FGD6: variants seen among roughly 807,000 people sequenced by gnomAD.
FGD6 encodes the protein FYVE, RhoGEF and PH domain containing 6.
FGD6 carries 90 observed loss-of-function variants against 149.4 expected under a neutral mutation model. The observed-to-expected ratio is 0.60, with a 90% confidence interval of 0.51 to 0.72. The LOEUF (loss-of-function observed/expected upper bound fraction) is 0.72, where lower values mean the gene tolerates loss of function less well. Ranked by LOEUF, FGD6 falls within the 30% of genes least tolerant of loss-of-function variation. The pLI, the probability that FGD6 is intolerant of heterozygous loss-of-function variation, is 0.00. For missense variants in FGD6, 1,437 were observed against 1,684.8 expected (o/e 0.85, Z 2.57); for synonymous variants, 527 against 584.0 (o/e 0.90, Z 1.41).
At chr12:95,125,765 G>A (rs1565902495) in intron 8 of FGD6, 1 of 706,252 alleles carries the variant, frequency 1.4e-6, no homozygotes, top group South Asian at 1.5e-5. Flanking sequence ...CCAATATGGT[G>A]TTCAGGCACT....
chr12:95,156,180 T>C (rs1880463273), intron 3 of FGD6, among the ~76,000 whole-genome samples: 1 of 152,196 alleles, frequency 6.6e-6, no homozygotes, highest in Non-Finnish European at 1.5e-5. Context: ...AACAGCAATG[T>C]TCAGGGAACA....
intron 3 of FGD6, 41 bp from the exon 4 acceptor site, chr12:95,153,034 T>A: frequency 6.4e-7 from 1 of 1,572,068 alleles, no homozygotes; most frequent in Non-Finnish European, 8.7e-7. Flanking sequence ...CATAAAAGAA[T>A]AATGAAGATC....
intron 3 of FGD6, among the ~76,000 whole-genome samples, chr12:95,161,061 TC>T (rs1880626798): frequency 6.8e-6 from 1 of 148,018 alleles, no homozygotes; most frequent in East Asian, 2.0e-4. Context: ...ACACCCGTAA[TC>T]CCAGCTACTT....
At position 95,091,801 on chromosome 12, in the gene FGD6, G is replaced by T; in HGVS notation, c.3756C>A (p.Cys1252Ter). 1 of 1,610,600 alleles carries T rather than the reference G, an allele frequency of 6.2e-7. No individual in the cohort carries two copies. Among genetic ancestry groups the T allele is most frequent in the Non-Finnish European group, 8.5e-7 (1 of 1,178,364 alleles). Residue 1252 changes from cysteine to a stop codon, truncating the protein, a stop_gained, in exon 17 of 21, where the codon TGC becomes TGA. Transcript: ENST00000343958. LOFTEE classifies it high-confidence loss of function. Reference protein sequence around the residue: ...HHCRACGKIVCQACSSNKYGL... With the variant: ...HHCRACGKIV ...CATACTTATTAGACGAACAAGCTTG[G>T]CATACAATCTGAAAACACATTGGAA...
chr12:95,207,567 C>T (rs1226312204), intron 2 of FGD6, among the ~76,000 whole-genome samples: 3 of 152,136 alleles, frequency 2.0e-5, no homozygotes, highest in Admixed American at 2.0e-4. Flanking sequence ...GCTACCTATG[C>T]GACTATGGAG....
chr12:95,153,039 A>T, intron 3 of FGD6, 46 bp from the exon 4 acceptor site: 1 of 1,553,990 alleles, frequency 6.4e-7, no homozygotes, highest in South Asian at 1.1e-5. Context: ...AAGAATAATG[A>T]AGATCAGCTA....
intron 2 of FGD6, among the ~76,000 whole-genome samples, chr12:95,207,412 C>T (rs1360531830): frequency 3.3e-5 from 5 of 152,120 alleles, no homozygotes; most frequent in Non-Finnish European, 7.4e-5. Context: ...CCACTATGTG[C>T]CAAGTATTTT....
At chr12:95,217,092 C>T (rs1475130770) in intron 1 of FGD6, 133 bp downstream of exon 1, 4 of 1,391,952 alleles carry the variant, frequency 2.9e-6, no homozygotes, top group Non-Finnish European at 3.9e-6. Flanking sequence ...ATTAGCTCCG[C>T]GCTTGCCGAG....
intron 20 of FGD6, among the ~76,000 whole-genome samples, chr12:95,083,012 A>AAAAAAAAAATATATATATATATAT (rs68032073): frequency 5.0e-5 from 1 of 20,038 alleles, no homozygotes; most frequent in African/African-American, 3.0e-4. Flanking sequence ...AAAAAAAAAA[A>AAAAAAAAAATATATATATATATAT]ATATATATAT....
At chr12:95,203,986 G>A (rs1381496363) in intron 2 of FGD6, among the ~76,000 whole-genome samples, 1 of 152,144 alleles carries the variant, frequency 6.6e-6, no homozygotes, top group Non-Finnish European at 1.5e-5. Context: ...AATAAAAATA[G>A]TAGTAAATGG....
At chr12:95,145,442 A>G (rs930712066) in intron 5 of FGD6, among the ~76,000 whole-genome samples, 5 of 151,950 alleles carry the variant, frequency 3.3e-5, no homozygotes, top group African/African-American at 1.2e-4. Context: ...TTCATCCTCT[A>G]CCATTGCCCA....
intron 2 of FGD6, among the ~76,000 whole-genome samples, chr12:95,186,272 G>A (rs569610652): frequency 5.3e-5 from 5 of 95,124 alleles, no homozygotes; most frequent in African/African-American, 8.2e-5. Context: ...TTTTTGAGAC[G>A]GAGTCTTGCT....
At chr12:95,208,769 C>A in intron 2 of FGD6, 74 bp downstream of exon 2, 1 of 1,502,716 alleles carries the variant, frequency 6.7e-7, no homozygotes, top group Non-Finnish European at 8.9e-7. Flanking sequence ...TTTCCCCCTG[C>A]ATTCCTAACT....
intron 2 of FGD6, among the ~76,000 whole-genome samples, chr12:95,176,120 T>C (rs1001232355): frequency 4.6e-5 from 7 of 152,306 alleles, no homozygotes; most frequent in Admixed American, 3.3e-4. Context: ...TTTGAAAAAA[T>C]AGACAAGGGT....
Position 95,208,938 on chromosome 12 carries a change from G to A in FGD6, c.2346C>T (p.Ser782=), listed in dbSNP as rs75727483. The A allele has an allele frequency of 5.1e-4, 819 of 1,614,070 alleles. 4 individuals carry two copies. In the African/African-American group the frequency reaches 6.0e-3, roughly 12 times the overall value. The change falls in exon 2 of 21, where the codon AGC becomes AGT. Residue 782 remains serine, a synonymous_variant. Transcript: ENST00000343958. ...ACACATTTGCATCAGCGTCCTCCAT[G>A]CTGCTGGAATTCTGCCATTCCAACT... ...TQELEWQNSS[S]MEDADANVYE... is the part of the protein sequence containing the mutation.
At chr12:95,203,802 C>T (rs2056675657) in intron 2 of FGD6, among the ~76,000 whole-genome samples, 1 of 152,140 alleles carries the variant, frequency 6.6e-6, no homozygotes, top group Non-Finnish European at 1.5e-5. Flanking sequence ...TGGAATGTTT[C>T]CAGGGACAGT....
intron 2 of FGD6, among the ~76,000 whole-genome samples, chr12:95,201,626 T>C (rs1349404831): frequency 2.0e-5 from 3 of 152,120 alleles, no homozygotes; most frequent in Non-Finnish European, 4.4e-5. Context: ...TGCAAATACT[T>C]AGGAGAACAT....
At chr12:95,157,551 A>T (rs1313781674) in intron 3 of FGD6, among the ~76,000 whole-genome samples, 1 of 128,384 alleles carries the variant, frequency 7.8e-6, no homozygotes, top group Non-Finnish European at 1.6e-5. Flanking sequence ...AGGCGACAAG[A>T]GCAAAACTCT....
At chr12:95,198,564 C>G (rs952218039) in intron 2 of FGD6, among the ~76,000 whole-genome samples, 11 of 152,090 alleles carry the variant, frequency 7.2e-5, no homozygotes, top group Non-Finnish European at 1.6e-4. Flanking sequence ...CTCAGCCTCC[C>G]GAGTAGCTAG....
Sources: allele counts gnomAD v4.1 joint callset (sites outside exome capture counted in the v4.1 genomes callset), GRCh38; gene constraint gnomAD v4.1.1; transcripts MANE v1.5; gene names NCBI Gene and HGNC (gene_info 2026-07-23, HGNC 2026-07-21).